OVCH2: variants seen among roughly 807,000 people sequenced by gnomAD.
The protein encoded by OVCH2 is ovochymase-2.
OVCH2 carries 88 observed loss-of-function variants against 73.7 expected under a neutral mutation model. The observed-to-expected ratio is 1.19, with a 90% CI of 1.01 to 1.43. The LOEUF is 1.43. OVCH2 is among the 40% of genes most tolerant of loss of function. The pLI, the probability that OVCH2 is intolerant of heterozygous loss-of-function variation, is 0.00. For synonymous variants in OVCH2, 265 were observed against 234.5 expected, an observed-to-expected ratio of 1.13 and a Z score of -1.19; for missense variants, 706 against 674.5, an observed-to-expected ratio of 1.05 and a Z score of -0.52.
chr11:7,691,751 G>T, intron 13 of OVCH2, 151 bp downstream of exon 13: 1 of 625,162 alleles, frequency 1.6e-6, no homozygotes, highest in Non-Finnish European at 2.7e-6. Flanking sequence ...TGCCCCTAAT[G>T]AAGAAGACAA....
rs770031214 is a variant in OVCH2, at chr11:7,696,519, C to T, written c.1087G>A (p.Glu363Lys). Residue 363 changes from glutamate to lysine, a missense_variant, in exon 10 of 16, where the codon GAG (glutamate) becomes AAG (lysine). Transcript: ENST00000533663. ...GACAGGTAACTGTGGTGACAAGACT[C>T]AACATCTAGGTGGGAAAAACTGAGC... is the stretch of plus-strand genomic sequence containing the variant. ...VLLSFSHLDV[E>K]SCHHSYLSMY... 184 of 1,613,882 alleles carry T rather than the reference C, an allele frequency of 1.1e-4. No homozygotes were observed. The highest frequency in any genetic ancestry group is 1.5e-4 in the Non-Finnish European group (177 of 1,179,900).
At chr11:7,689,726 G>A (rs1856183458) in intron 15 of OVCH2, 124 bp from the exon 16 acceptor site, 1 of 663,366 alleles carries the variant, frequency 1.5e-6, no homozygotes. Context: ...CTGGATTAGG[G>A]CCCAGGCTAA....
chr11:7,688,597 T>C (rs1229009851), downstream of OVCH2, among the ~76,000 whole-genome samples: 1 of 152,208 alleles, frequency 6.6e-6, no homozygotes, highest in Non-Finnish European at 1.5e-5. Context: ...CGACTCTCTC[T>C]ATTATTCTGT....
At chr11:7,694,647 C>T (rs1267258325) in intron 12 of OVCH2, among the ~76,000 whole-genome samples, 4 of 151,050 alleles carry the variant, frequency 2.6e-5, no homozygotes, top group African/African-American at 9.8e-5. Context: ...TTGAGAGTTT[C>T]GCTCTTGTAG....
chr11:7,679,768 CACT>C, the OVCH2 span, among the ~76,000 whole-genome samples: 13 of 152,302 alleles, frequency 8.5e-5, no homozygotes, highest in East Asian at 2.5e-3. Context: ...TTCAGCATCC[CACT>C]CTCCAACCTC....
At chr11:7,683,993 G>A in the OVCH2 span, among the ~76,000 whole-genome samples, 1 of 147,346 alleles carries the variant, frequency 6.8e-6, no homozygotes, top group South Asian at 2.1e-4. Flanking sequence ...ATTGCCATCT[G>A]GCATTTTATA....
chr11:7,689,876 C>A (rs938517157), intron 15 of OVCH2, 48 bp downstream of exon 15: 2 of 1,161,136 alleles, frequency 1.7e-6, no homozygotes, highest in Non-Finnish European at 2.5e-6. Context: ...TCCGGTTGAA[C>A]CCTGGATTAT....
chr11:7,700,419 A>G lies in OVCH2; in HGVS notation c.778T>C (p.Ser260Pro). The change falls in exon 7 of 16, where the codon TCC (serine) becomes CCC (proline). Residue 260 changes from serine (S) to proline (P), a missense_variant. Ser to Pro is a moderately conservative substitution (Grantham distance 74). Transcript: ENST00000533663. The stretch of plus-strand genomic sequence containing the variant: ...CCTCGACCACAGCCCAAACCCCAGG[A>G]AGTCACACCAGCCAGAGTCCAGGCC... Reference protein sequence around the residue: ...KGAWTLAGVTSWGLGCGRGWR... With the variant: ...KGAWTLAGVTPWGLGCGRGWR... 2 of 1,612,790 alleles carry G rather than the reference A, an allele frequency of 1.2e-6. 1 individual carries two copies. Among genetic ancestry groups the G allele is most frequent in the South Asian group, 2.2e-5 (2 of 90,784 alleles).
At chr11:7,691,691 C>A (rs1856224279) in intron 13 of OVCH2, among the ~76,000 whole-genome samples, 1 of 152,108 alleles carries the variant, frequency 6.6e-6, no homozygotes, top group Non-Finnish European at 1.5e-5. Flanking sequence ...CCTCATGGGC[C>A]TTTTGCATTT....
chr11:7,700,611 C>G (rs1856419354), intron 6 of OVCH2, 126 bp from the exon 7 acceptor site: 1 of 1,099,428 alleles, frequency 9.1e-7, no homozygotes, highest in Non-Finnish European at 1.3e-6. Context: ...AATTTAGACT[C>G]AGGGTCCTGT....
At chr11:7,682,364 C>A in the OVCH2 span, among the ~76,000 whole-genome samples, 1 of 152,172 alleles carries the variant, frequency 6.6e-6, no homozygotes, top group Non-Finnish European at 1.5e-5. Context: ...TAATGCCATG[C>A]AAATTTAAAT....
chr11:7,680,707 T>G, the OVCH2 span, among the ~76,000 whole-genome samples: 1 of 152,224 alleles, frequency 6.6e-6, no homozygotes, highest in East Asian at 1.9e-4. Flanking sequence ...ACTTTAGCCC[T>G]GTGAAACTAT....
chr11:7,703,396 G>T (rs1470981434), intron 3 of OVCH2, among the ~76,000 whole-genome samples: 1 of 152,168 alleles, frequency 6.6e-6, no homozygotes, highest in East Asian at 1.9e-4. Context: ...AAGAAAACTA[G>T]AAGAAAACTT....
At chr11:7,685,839 CTTCT>C (rs1481194135), downstream of OVCH2, among the ~76,000 whole-genome samples, 1 of 152,142 alleles carries the variant, frequency 6.6e-6, no homozygotes, top group African/African-American at 2.4e-5. Flanking sequence ...TTGTTGATTA[CTTCT>C]TTACTTTCCA....
rs1856304954 is a variant in OVCH2 at position 7,695,166 on chromosome 11, A to G, written c.1305T>C (p.Thr435=). ...YIPDSGCSYL[T]VLFEEGLIQS... ...GTATGAGACCTTCTTCAAAAAGGAC[A>G]GTTAAGTAACTGCAACCTGAATCTG... Residue 435 remains threonine, a synonymous_variant, in exon 12 of 16, where the codon ACT becomes ACC. Coordinates refer to ENST00000533663, the MANE Select transcript of OVCH2 (RefSeq NM_198185.7). 13 of 1,560,840 alleles carry G rather than the reference A, an allele frequency of 8.3e-6. No homozygotes were observed. In the East Asian group the frequency reaches 3.1e-4, roughly 37 times the overall value.
At chr11:7,680,329 A>G in the OVCH2 span, among the ~76,000 whole-genome samples, 2 of 152,240 alleles carry the variant, frequency 1.3e-5, no homozygotes, top group Admixed American at 6.5e-5. Context: ...GTGCGTGGGG[A>G]AAAATTTCCA....
chr11:7,691,439 C>T, intron 13 of OVCH2, 39 bp from the exon 14 acceptor site: 3 of 1,578,752 alleles, frequency 1.9e-6, no homozygotes, highest in Non-Finnish European at 2.6e-6. Flanking sequence ...TTGTCAAGCA[C>T]CCAGCAGATA....
At chr11:7,701,219 GCTTT>G in intron 6 of OVCH2, 101 bp downstream of exon 6, 2 of 1,365,888 alleles carry the variant, frequency 1.5e-6, no homozygotes, top group Non-Finnish European at 1.9e-6. Context: ...CCTCCAATAT[GCTTT>G]CTAATTAAAT....
intron 1 of OVCH2, among the ~76,000 whole-genome samples, chr11:7,705,879 G>A (rs537832999): frequency 6.6e-6 from 1 of 152,118 alleles, no homozygotes; most frequent in African/African-American, 2.4e-5. Flanking sequence ...TAGTTGAAGG[G>A]GAAAAAAGAC....
Sources: gnomAD v4.1 joint callset for allele counts (sites outside exome capture counted in the v4.1 genomes callset) on GRCh38, gnomAD v4.1.1 for gene constraint, MANE v1.5 for transcripts, NCBI Gene and HGNC (gene_info 2026-07-23, HGNC 2026-07-21) for gene names.